The following OR1B1 variants were observed in gnomAD, a reference collection of about 807,000 sequenced individuals.
OR1B1 encodes the protein olfactory receptor 1B1.
For missense variants in OR1B1, 414 were observed against 402.1 expected (o/e 1.03, Z -0.25); for synonymous variants, 168 against 156.2 (o/e 1.08, Z -0.57).
chr9:122,634,725 A>G, the OR1B1 span, among the ~76,000 whole-genome samples: 21 of 152,302 alleles, frequency 1.4e-4, 1 homozygote, highest in East Asian at 4.1e-3. Flanking sequence ...CAGAACCTGA[A>G]TAAATATGCA....
At chr9:122,647,692 G>T in the OR1B1 span, among the ~76,000 whole-genome samples, 1 of 152,138 alleles carries the variant, frequency 6.6e-6, no homozygotes, top group African/African-American at 2.4e-5. Context: ...AGGTTTTTCA[G>T]CTGTTGCTAC....
upstream of OR1B1, among the ~76,000 whole-genome samples, chr9:122,633,033 A>G (rs956192917): frequency 1.3e-5 from 2 of 152,174 alleles, no homozygotes; most frequent in African/African-American, 4.8e-5. Flanking sequence ...ATCAGATCTC[A>G]TGAGACTTAT....
At chr9:122,628,307 C>T (rs1269428647), downstream of OR1B1, among the ~76,000 whole-genome samples, 1 of 152,144 alleles carries the variant, frequency 6.6e-6, no homozygotes, top group Non-Finnish European at 1.5e-5. Context: ...TTAAAACTAC[C>T]CAGACTTGGT....
At chr9:122,654,137 A>G in the OR1B1 span, among the ~76,000 whole-genome samples, 10 of 152,218 alleles carry the variant, frequency 6.6e-5, no homozygotes, top group Admixed American at 6.5e-4. Flanking sequence ...AAAAATAAAT[A>G]ATTATGTACC....
the OR1B1 span, among the ~76,000 whole-genome samples, chr9:122,650,067 AT>A: frequency 7.5e-6 from 1 of 133,968 alleles, no homozygotes; most frequent in African/African-American, 3.1e-5. Flanking sequence ...CTATGCAGTC[AT>A]AAAAAAAAGG....
At chr9:122,629,327 A>T in exon 1 of OR1B1, 1 of 1,614,136 alleles carries the variant, frequency 6.2e-7, no homozygotes, top group South Asian at 1.1e-5. Flanking sequence ...CATGTCTATC[A>T]CAGAGAGGCC....
chr9:122,637,477 G>C, the OR1B1 span, among the ~76,000 whole-genome samples: 1 of 152,094 alleles, frequency 6.6e-6, no homozygotes, highest in Admixed American at 6.6e-5. Flanking sequence ...AATTCTCTTA[G>C]GTGGAATGAT....
At chr9:122,647,413 G>A in the OR1B1 span, among the ~76,000 whole-genome samples, 2 of 152,134 alleles carry the variant, frequency 1.3e-5, no homozygotes, top group South Asian at 4.2e-4. Flanking sequence ...ATTACTAAGA[G>A]GGAACTTTAT....
chr9:122,633,928 C>CA (rs911253597), upstream of OR1B1, among the ~76,000 whole-genome samples: 3 of 28,842 alleles, frequency 1.0e-4, no homozygotes, highest in East Asian at 9.5e-4. Flanking sequence ...GACTATGTCT[C>CA]AAAAAAAGGG....
chr9:122,653,115 A>G, the OR1B1 span, among the ~76,000 whole-genome samples: 9 of 152,266 alleles, frequency 5.9e-5, no homozygotes, highest in Non-Finnish European at 1.2e-4. Context: ...ATGAAAAGGG[A>G]CACTTTCCTT....
the OR1B1 span, among the ~76,000 whole-genome samples, chr9:122,651,631 A>AT: frequency 1.3e-5 from 2 of 152,186 alleles, no homozygotes; most frequent in African/African-American, 4.8e-5. Context: ...TAAGAAAATG[A>AT]TTTAGAGTGA....
chr9:122,631,315 C>T (rs1830201368), upstream of OR1B1, among the ~76,000 whole-genome samples: 1 of 151,794 alleles, frequency 6.6e-6, no homozygotes, highest in Non-Finnish European at 1.5e-5. Context: ...TAGCTGGGAC[C>T]ACAGGCGCCC....
chr9:122,639,863 C>T, the OR1B1 span, among the ~76,000 whole-genome samples: 1 of 151,712 alleles, frequency 6.6e-6, no homozygotes, highest in Non-Finnish European at 1.5e-5. Flanking sequence ...AATGAACAGT[C>T]TTCACCCACA....
At chr9:122,645,008 C>G in the OR1B1 span, among the ~76,000 whole-genome samples, 2 of 152,150 alleles carry the variant, frequency 1.3e-5, no homozygotes, top group African/African-American at 4.8e-5. Context: ...TTCAAAATAG[C>G]TGTTTTGAGG....
chr9:122,630,843 G>A (rs1195822488), upstream of OR1B1, among the ~76,000 whole-genome samples: 3 of 151,950 alleles, frequency 2.0e-5, no homozygotes, highest in Admixed American at 6.6e-5. Context: ...AAGTAGCTGG[G>A]ACTGCAGGCA....
chr9:122,655,031 T>A, the OR1B1 span, among the ~76,000 whole-genome samples: 1 of 152,192 alleles, frequency 6.6e-6, no homozygotes, highest in African/African-American at 2.4e-5. Flanking sequence ...CATCAAAATA[T>A]CACATTGTAC....
upstream of OR1B1, among the ~76,000 whole-genome samples, chr9:122,634,441 CCA>C (rs375862298): frequency 2.1e-3 from 327 of 152,154 alleles, no homozygotes; most frequent in African/African-American, 7.6e-3. Context: ...ACTCACAGTT[CCA>C]CACACAGCTG....
the OR1B1 span, among the ~76,000 whole-genome samples, chr9:122,634,865 A>G: frequency 6.8e-6 from 1 of 146,966 alleles, no homozygotes; most frequent in South Asian, 2.1e-4. Flanking sequence ...ATGCGGAATA[A>G]CAAGAAGAAA....
upstream of OR1B1, among the ~76,000 whole-genome samples, chr9:122,630,568 A>G (rs1467276534): frequency 6.6e-6 from 1 of 152,250 alleles, no homozygotes; most frequent in African/African-American, 2.4e-5. Context: ...AACTTTCAAT[A>G]TGTGACTCCT....
Sources: gnomAD v4.1 joint callset for allele counts (sites outside exome capture counted in the v4.1 genomes callset) on GRCh38, gnomAD v4.1.1 for gene constraint, MANE v1.5 for transcripts, NCBI Gene and HGNC (gene_info 2026-07-23, HGNC 2026-07-21) for gene names.